Variants in MBD5 observed in about 807,000 individuals in gnomAD.
MBD5 encodes methyl-CpG binding domain protein 5, also known as methyl-CpG-binding domain protein 5.
A neutral mutation model predicts 117.3 loss-of-function variants in MBD5; 13 were observed. The observed-to-expected ratio is 0.11, with a 90% CI of 0.07 to 0.18. The LOEUF is 0.18. MBD5 is among the 10% of genes least tolerant of loss of function. The pLI, the probability that MBD5 is intolerant of heterozygous loss-of-function variation, is 1.00. For missense variants in MBD5, 1,879 were observed against 2,093.8 expected (o/e 0.90, Z 2.00); for synonymous variants, 727 against 766.4 (o/e 0.95, Z 0.85).
In MBD5 at chr2:148,220,851, G is replaced by T. The variant is rs146725703; in HGVS notation, c.-830-12394G>T. 1.4e-3 allele frequency among the ~76,000 whole-genome samples: 211 copies of T among 152,022 alleles called. 2 individuals are homozygous for T. Among genetic ancestry groups the T allele is most frequent in the African/African-American group, 4.8e-3 (201 of 41,472 alleles). On this transcript the variant is annotated intron_variant, in intron 2 of 13. Transcript: ENST00000642680. The stretch of plus-strand genomic sequence containing the variant: ...TACTATCAACTATAGTCACCCTGTT[G>T]TGCTATCAAATACTAGGACTTAATT...
intron 2 of MBD5, among the ~76,000 whole-genome samples, chr2:148,205,686 G>C (rs560273436): frequency 6.6e-6 from 1 of 152,208 alleles, no homozygotes; most frequent in Admixed American, 6.5e-5. Flanking sequence ...ATTACCCATG[G>C]AGAAAAATAG....
intron 8 of MBD5, chr2:148,472,198 T>A (rs766777706): frequency 3.3e-4 from 50 of 152,258 alleles, no homozygotes; most frequent in African/African-American, 1.2e-3. Flanking sequence ...TCATTTATTT[T>A]TTTTGTTTCA....
At chr2:148,484,612 A>G (rs1681276355) in intron 9 of MBD5, among the ~76,000 whole-genome samples, 1 of 152,206 alleles carries the variant, frequency 6.6e-6, no homozygotes, top group Admixed American at 6.5e-5. Flanking sequence ...TAGCAAAACA[A>G]GAAACAAGAT....
chr2:148,262,317 A>G (rs1243118891), intron 3 of MBD5, among the ~76,000 whole-genome samples: 1 of 152,132 alleles, frequency 6.6e-6, no homozygotes, highest in Non-Finnish European at 1.5e-5. Flanking sequence ...AGAGGATGAC[A>G]TATAACATGA....
chr2:148,463,659 A>G, intron 6 of MBD5, 80 bp from the exon 7 acceptor site: 1 of 1,547,656 alleles, frequency 6.5e-7, no homozygotes, highest in Non-Finnish European at 8.9e-7. Context: ...ATCTATGCAC[A>G]ACTTTTTTTT....
At chr2:148,498,215 C>T (rs975632136) in intron 11 of MBD5, among the ~76,000 whole-genome samples, 2 of 152,202 alleles carry the variant, frequency 1.3e-5, no homozygotes, top group African/African-American at 4.8e-5. Flanking sequence ...GTTTGCACAA[C>T]AGCTCTGCTT....
chr2:148,483,088 G>GTTTTTTTT, intron 8 of MBD5, 22 bp from the exon 9 acceptor site: 1 of 1,340,484 alleles, frequency 7.5e-7, no homozygotes, highest in Non-Finnish European at 1.0e-6. Flanking sequence ...TGGGTTTTGT[G>GTTTTTTTT]TTTTTTTTTT....
At chr2:148,452,120 G>A (rs1388432816) in intron 4 of MBD5, among the ~76,000 whole-genome samples, 2 of 152,118 alleles carry the variant, frequency 1.3e-5, no homozygotes, top group African/African-American at 4.8e-5. Flanking sequence ...GACATTTGAT[G>A]TTATTCAAAA....
chr2:148,271,482 A>G (rs1286135652), intron 3 of MBD5, among the ~76,000 whole-genome samples: 3 of 152,178 alleles, frequency 2.0e-5, no homozygotes, highest in Non-Finnish European at 2.9e-5. Flanking sequence ...TTGAGTTTCA[A>G]ATAGCTTTTA....
At chr2:148,155,329 G>C (rs866522221) in intron 1 of MBD5, among the ~76,000 whole-genome samples, 2 of 152,306 alleles carry the variant, frequency 1.3e-5, no homozygotes, top group Middle Eastern at 3.4e-3. Flanking sequence ...TGAGGCAGGA[G>C]TGTACCTGGC....
At chr2:148,462,719 T>C (rs761171521) in intron 6 of MBD5, 35 bp downstream of exon 6, 13 of 1,328,738 alleles carry the variant, frequency 9.8e-6, no homozygotes, top group Non-Finnish European at 1.4e-5. Context: ...AGCAGTGTTT[T>C]ATTTTTTAGG....
At chr2:148,135,908 C>G (rs1378504923) in intron 1 of MBD5, among the ~76,000 whole-genome samples, 1 of 152,148 alleles carries the variant, frequency 6.6e-6, no homozygotes, top group East Asian at 1.9e-4. Context: ...CCTCTCGGGG[C>G]CCTGTAAATT....
chr2:148,466,221 G>C (rs1574456251), intron 7 of MBD5, among the ~76,000 whole-genome samples: 1 of 152,088 alleles, frequency 6.6e-6, no homozygotes, highest in Non-Finnish European at 1.5e-5. Flanking sequence ...ATAAGCATCT[G>C]TTTCTGTTTA....
intron 3 of MBD5, among the ~76,000 whole-genome samples, chr2:148,255,641 T>G (rs1700571111): frequency 6.6e-6 from 1 of 152,150 alleles, no homozygotes; most frequent in Non-Finnish European, 1.5e-5. Flanking sequence ...TACAACTGAA[T>G]GGGGGTGGCA....
chr2:148,307,947 C>T (rs1701933537), intron 3 of MBD5, among the ~76,000 whole-genome samples: 1 of 152,154 alleles, frequency 6.6e-6, no homozygotes, highest in Admixed American at 6.5e-5. Flanking sequence ...CAGCTTCATC[C>T]ATGTCCCTGC....
At chr2:148,046,132 T>C (rs995146104) in intron 1 of MBD5, among the ~76,000 whole-genome samples, 3 of 151,882 alleles carry the variant, frequency 2.0e-5, no homozygotes, top group Non-Finnish European at 4.4e-5. Flanking sequence ...TACAGGCGTG[T>C]GCCATCACAC....
intron 12 of MBD5, among the ~76,000 whole-genome samples, chr2:148,504,239 C>G (rs1681958235): frequency 6.6e-6 from 1 of 152,132 alleles, no homozygotes. Context: ...AAATACAAAA[C>G]TAACATTTAT....
chr2:148,473,692 G>T (rs6705532), intron 8 of MBD5, among the ~76,000 whole-genome samples: 127,890 of 152,060 alleles, frequency 0.84, 55,751 homozygotes, highest in South Asian at 0.98. Flanking sequence ...TTCTATGGGA[G>T]GCATTTAAAA....
At chr2:148,422,856 G>A (rs1035046818) in intron 4 of MBD5, among the ~76,000 whole-genome samples, 6 of 152,120 alleles carry the variant, frequency 3.9e-5, no homozygotes, top group Admixed American at 6.5e-5. Flanking sequence ...TCAATTTAAT[G>A]AAATAAAGTG....
Sources: allele counts gnomAD v4.1 joint callset (sites outside exome capture counted in the v4.1 genomes callset), GRCh38; gene constraint gnomAD v4.1.1; transcripts MANE v1.5; gene names NCBI Gene and HGNC (gene_info 2026-07-23, HGNC 2026-07-21).